PTPN5: variants seen among roughly 807,000 people sequenced by gnomAD.
PTPN5 encodes protein tyrosine phosphatase non-receptor type 5, also known as tyrosine-protein phosphatase non-receptor type 5.
A neutral mutation model predicts 73.9 loss-of-function variants in PTPN5; 29 were observed. The observed-to-expected ratio is 0.39, with a 90% CI of 0.29 to 0.54. PTPN5 has a LOEUF of 0.54. Ranked by LOEUF, PTPN5 falls within the 20% of genes least tolerant of loss-of-function variation. The pLI, the probability that PTPN5 is intolerant of heterozygous loss-of-function variation, is 0.65. For synonymous variants in PTPN5, 267 were observed against 304.7 expected (o/e 0.88, Z 1.29); for missense variants, 652 against 751.4 (o/e 0.87, Z 1.55).
intron 1 of PTPN5, among the ~76,000 whole-genome samples, chr11:18,779,118 G>T (rs1054696316): frequency 2.2e-4 from 33 of 152,160 alleles, no homozygotes; most frequent in African/African-American, 8.0e-4. Flanking sequence ...TGCAACTAGA[G>T]GGGCCCCTAG....
Position 18,756,327 on chromosome 11 carries a change from C to T in PTPN5, c.97+9480G>A, listed in dbSNP as rs576655808. Among the ~76,000 whole-genome samples the T allele has an allele frequency of 6.8e-5, 9 of 132,392 alleles. No homozygotes were observed. The East Asian group carries it at 2.2e-3, about 32-fold the overall frequency. The allele number at this position is 132,392 out of a possible 152,430, so 86.9% of individuals were successfully genotyped here. Reference sequence around the variant, plus strand: ...TTTTTTTTTTTTTGAGACAGATTCTCACTCCGTCACCCAAGCTGGAGTGCA... The same window carrying T: ...TTTTTTTTTTTTTGAGACAGATTCTTACTCCGTCACCCAAGCTGGAGTGCA... On this transcript the variant is annotated intron_variant, in intron 3 of 14. Transcript: ENST00000358540.
intron 1 of PTPN5, among the ~76,000 whole-genome samples, 162 bp downstream of exon 1, chr11:18,791,363 C>A (rs1011865091): frequency 1.7e-4 from 26 of 152,314 alleles, no homozygotes; most frequent in Admixed American, 1.5e-3. Flanking sequence ...CCCCAGCATG[C>A]GGGCGCCCAG....
intron 3 of PTPN5, among the ~76,000 whole-genome samples, chr11:18,765,181 T>A (rs1850586149): frequency 6.6e-6 from 1 of 152,166 alleles, no homozygotes; most frequent in South Asian, 2.1e-4. Context: ...TATAAAAAAA[T>A]GTAAAACTCT....
intron 1 of PTPN5, among the ~76,000 whole-genome samples, chr11:18,780,676 G>A (rs1194229872): frequency 6.6e-6 from 1 of 152,032 alleles, no homozygotes; most frequent in African/African-American, 2.4e-5. Context: ...TTGGAAACTG[G>A]TAATGAGCCA....
intron 3 of PTPN5, among the ~76,000 whole-genome samples, chr11:18,745,513 G>T (rs563734568): frequency 6.6e-6 from 1 of 152,164 alleles, no homozygotes; most frequent in Non-Finnish European, 1.5e-5. Flanking sequence ...CTCTCTGCCT[G>T]GAACATCCCT....
At chr11:18,768,655 A>T (rs1850741619) in intron 2 of PTPN5, among the ~76,000 whole-genome samples, 1 of 152,242 alleles carries the variant, frequency 6.6e-6, no homozygotes, top group Non-Finnish European at 1.5e-5. Flanking sequence ...GACTAATTTC[A>T]TAACCAGAAA....
At chr11:18,731,202 A>T (rs889079081) in intron 12 of PTPN5, among the ~76,000 whole-genome samples, 2 of 147,956 alleles carry the variant, frequency 1.4e-5, no homozygotes, top group African/African-American at 4.9e-5. Flanking sequence ...TATATTATAT[A>T]TATTTTATAT....
chr11:18,763,298 A>G (rs1850482877), intron 3 of PTPN5, among the ~76,000 whole-genome samples: 2 of 152,238 alleles, frequency 1.3e-5, no homozygotes, highest in South Asian at 4.1e-4. Flanking sequence ...GGGTGCCAGA[A>G]GATGACAGTG....
intron 3 of PTPN5, among the ~76,000 whole-genome samples, chr11:18,756,314 T>G (rs1283621689): frequency 7.4e-6 from 1 of 134,682 alleles, no homozygotes; most frequent in Non-Finnish European, 1.7e-5. Context: ...TTTTTTTTTT[T>G]GAGACAGATT....
intron 3 of PTPN5, among the ~76,000 whole-genome samples, chr11:18,755,151 C>T (rs929058469): frequency 2.0e-5 from 3 of 152,164 alleles, no homozygotes; most frequent in African/African-American, 4.8e-5. Context: ...TGAGGCAGCT[C>T]GTGGAGTGGC....
At position 18,744,026 on chromosome 11, in the gene PTPN5, A is replaced by T; in HGVS notation, c.271T>A (p.Phe91Ile). 7 of 1,603,148 alleles carry T rather than the reference A, an allele frequency of 4.4e-6. No homozygotes were observed. The highest frequency in any genetic ancestry group is 6.0e-6 in the Non-Finnish European group (7 of 1,175,634). Residue 91 changes from phenylalanine to isoleucine, a missense_variant, in exon 4 of 15, where the codon TTC becomes ATC. Physicochemically the swap from Phe to Ile is conservative, Grantham distance 21 (BLOSUM62 0). This residue lies in a region of PTPN5 where 529 missense variants were observed against 573.9 expected (regional missense o/e 0.92). Transcript: ENST00000358540. Reference sequence around the variant, plus strand: ...CTTACCAGGAACTGTGAGGCAGCGAACAGGCACAGGCTGCTCCTGACAGTG... The same window carrying T: ...CTTACCAGGAACTGTGAGGCAGCGATCAGGCACAGGCTGCTCCTGACAGTG... ...SLTVRSSLCL[F>I]AASQFLLACG...
chr11:18,766,073 C>T (rs1850632875), intron 2 of PTPN5, among the ~76,000 whole-genome samples, 190 bp from the exon 3 acceptor site: 3 of 152,164 alleles, frequency 2.0e-5, no homozygotes, highest in Admixed American at 2.0e-4. Flanking sequence ...CAGAATTTTG[C>T]AGGTGTCTTC....
chr11:18,770,794 A>G (rs1231221719), intron 2 of PTPN5, among the ~76,000 whole-genome samples: 20 of 152,244 alleles, frequency 1.3e-4, no homozygotes, highest in Non-Finnish European at 2.9e-5. Context: ...CTACGCCACC[A>G]GTGCTGGGTG....
intron 8 of PTPN5, among the ~76,000 whole-genome samples, chr11:18,739,209 G>A (rs943261442): frequency 2.0e-5 from 3 of 152,116 alleles, no homozygotes; most frequent in Non-Finnish European, 2.9e-5. Flanking sequence ...AATACAACAC[G>A]TGCAAAACTG....
chr11:18,738,137 C>T (rs1359655381), intron 8 of PTPN5, among the ~76,000 whole-genome samples, 173 bp from the exon 9 acceptor site: 1 of 152,324 alleles, frequency 6.6e-6, no homozygotes, highest in Non-Finnish European at 1.5e-5. Flanking sequence ...AGAACAGTGC[C>T]TGGCACATGC....
At chr11:18,785,478 T>A (rs912601195) in intron 1 of PTPN5, among the ~76,000 whole-genome samples, 88 of 152,314 alleles carry the variant, frequency 5.8e-4, no homozygotes, top group African/African-American at 2.0e-3. Context: ...AAACATAGAA[T>A]AGGGCATATA....
rs768953975 is a variant in PTPN5 at position 18,740,732 on chromosome 11, G to T, written c.786C>A (p.Gly262=). 6.2e-7 allele frequency: 1 copy of T among 1,601,268 alleles called. No homozygotes were observed. Among genetic ancestry groups the T allele is most frequent in the South Asian group, 1.1e-5 (1 of 89,310 alleles). ...DMCTPGCNEE[G]FGYLMSPREE... is the part of the protein sequence containing the mutation. ...CACGTGGGGACATGAGATAGCCAAA[G>T]CCCTCCTCGTTGCAGCCCGGAGTGC... is the stretch of plus-strand genomic sequence containing the variant. The change falls in exon 8 of 15, where the codon GGC becomes GGA. Residue 262 remains glycine, a synonymous_variant. Coordinates refer to ENST00000358540, the MANE Select transcript of PTPN5 (RefSeq NM_006906.2).
At chr11:18,763,356 G>C (rs1251998694) in intron 3 of PTPN5, among the ~76,000 whole-genome samples, 3 of 152,318 alleles carry the variant, frequency 2.0e-5, no homozygotes, top group Admixed American at 2.0e-4. Flanking sequence ...TGACGACACG[G>C]GCTACTGAGA....
chr11:18,760,558 C>T (rs1850341469), intron 3 of PTPN5, among the ~76,000 whole-genome samples: 1 of 152,194 alleles, frequency 6.6e-6, no homozygotes, highest in African/African-American at 2.4e-5. Flanking sequence ...ATCACCAGCC[C>T]AAGAGGCCAG....
Sources: gnomAD v4.1 joint callset for allele counts (sites outside exome capture counted in the v4.1 genomes callset) on GRCh38, gnomAD v4.1.1 for gene constraint, gnomAD v4.1.1 regional missense constraint, MANE v1.5 for transcripts, NCBI Gene and HGNC (gene_info 2026-07-23, HGNC 2026-07-21) for gene names.